KIFAP3: variants seen among roughly 807,000 people sequenced by gnomAD.
The protein encoded by KIFAP3 is kinesin associated protein 3.
A neutral mutation model predicts 106.5 loss-of-function variants in KIFAP3; 68 were observed. The observed-to-expected ratio is 0.64, with a 90% confidence interval of 0.53 to 0.78. The LOEUF (loss-of-function observed/expected upper bound fraction) is 0.78, where lower values mean the gene tolerates loss of function less well. Ranked by LOEUF, KIFAP3 falls within the 30% of genes least tolerant of loss-of-function variation. The pLI, the probability that KIFAP3 is intolerant of heterozygous loss-of-function variation, is 0.00. For missense variants in KIFAP3, 780 were observed against 941.8 expected, an observed-to-expected ratio of 0.83 and a Z score of 2.25; for synonymous variants, 320 against 311.5, an observed-to-expected ratio of 1.03 and a Z score of -0.29.
intron 1 of KIFAP3, among the ~76,000 whole-genome samples, chr1:170,064,739 T>A (rs1308523412): frequency 6.6e-6 from 1 of 152,260 alleles, no homozygotes; most frequent in African/African-American, 2.4e-5. Flanking sequence ...GTGTAGTGAA[T>A]GTCATCAAAT....
At chr1:170,074,217 G>T (rs1447138956) in intron 1 of KIFAP3, among the ~76,000 whole-genome samples, 1 of 152,080 alleles carries the variant, frequency 6.6e-6, no homozygotes, top group Non-Finnish European at 1.5e-5. Flanking sequence ...TTTCAATGCT[G>T]TCAGGGCTCC....
intron 17 of KIFAP3, among the ~76,000 whole-genome samples, chr1:169,961,862 TG>T (rs1228856451): frequency 6.6e-6 from 1 of 152,236 alleles, no homozygotes; most frequent in African/African-American, 2.4e-5. Context: ...GTTAATCAAC[TG>T]TTTATGCTAT....
At chr1:170,017,175 T>C (rs1481260287) in intron 9 of KIFAP3, among the ~76,000 whole-genome samples, 1 of 144,078 alleles carries the variant, frequency 6.9e-6, no homozygotes, top group African/African-American at 2.6e-5. Context: ...AAGAATGACC[T>C]GAACCCGGGA....
chr1:170,034,562 T>A, intron 6 of KIFAP3, 66 bp from the exon 7 acceptor site: 1 of 886,492 alleles, frequency 1.1e-6, no homozygotes, highest in Non-Finnish European at 1.7e-6. Context: ...AAATTTGTTT[T>A]TGGTGATCAC....
intron 1 of KIFAP3, among the ~76,000 whole-genome samples, chr1:170,057,474 C>G (rs1217127105): frequency 6.6e-6 from 1 of 151,210 alleles, no homozygotes; most frequent in Non-Finnish European, 1.5e-5. Context: ...CAGAAATGAG[C>G]AAAGAAAAAA....
chr1:170,033,217 G>A (rs960431765), intron 7 of KIFAP3, among the ~76,000 whole-genome samples: 4 of 151,856 alleles, frequency 2.6e-5, no homozygotes, highest in South Asian at 2.1e-4. Flanking sequence ...CAAAGCTTGT[G>A]TGTGGGTGTG....
intron 18 of KIFAP3, among the ~76,000 whole-genome samples, chr1:169,959,062 C>T (rs953320487): frequency 6.6e-6 from 1 of 152,250 alleles, no homozygotes; most frequent in South Asian, 2.1e-4. Context: ...AATTACGAGC[C>T]TCTCAGTTTA....
rs918278965 is a variant in KIFAP3 at position 170,008,521 on chromosome 1, G to A, written c.1183+7941C>T. ...GCAGCCAACAAACATATGAAAAAAA[G>A]CTCATCATCACTGGTCATTAGAGAA... On this transcript the variant is annotated intron_variant, in intron 10 of 19. Transcript: ENST00000361580. Among the ~76,000 whole-genome samples, 58 of 151,962 alleles carry A rather than the reference G, an allele frequency of 3.8e-4. 1 individual carries two copies. The highest frequency in any genetic ancestry group is 1.4e-3 in the African/African-American group (56 of 41,348).
At chr1:169,939,718 T>C (rs1664003673) in intron 19 of KIFAP3, among the ~76,000 whole-genome samples, 1 of 151,818 alleles carries the variant, frequency 6.6e-6, no homozygotes, top group East Asian at 1.9e-4. Flanking sequence ...TGGGAAGAAA[T>C]GACAAAGGGC....
chr1:169,989,290 T>C (rs1666985562), intron 11 of KIFAP3, among the ~76,000 whole-genome samples: 1 of 151,730 alleles, frequency 6.6e-6, no homozygotes, highest in Non-Finnish European at 1.5e-5. Context: ...AATTCAAAAT[T>C]CTATAAGTAA....
At chr1:170,068,378 A>G (rs1054040412) in intron 1 of KIFAP3, 4 of 152,118 alleles carry the variant, frequency 2.6e-5, no homozygotes, top group Non-Finnish European at 4.4e-5. Flanking sequence ...ATATATTATC[A>G]TAAGGATCCA....
At chr1:169,943,509 C>A (rs912550769) in intron 19 of KIFAP3, among the ~76,000 whole-genome samples, 1 of 151,972 alleles carries the variant, frequency 6.6e-6, no homozygotes, top group African/African-American at 2.4e-5. Flanking sequence ...CTATTTCTCT[C>A]CCTTATTTTT....
chr1:170,074,082 G>A (rs985056936), intron 1 of KIFAP3, among the ~76,000 whole-genome samples: 2 of 151,986 alleles, frequency 1.3e-5, no homozygotes, highest in African/African-American at 4.8e-5. Flanking sequence ...AGGCTCTCAT[G>A]GGATTTATCT....
intron 9 of KIFAP3, among the ~76,000 whole-genome samples, chr1:170,017,155 G>T (rs1166004228): frequency 6.6e-6 from 1 of 151,160 alleles, no homozygotes; most frequent in East Asian, 1.9e-4. Flanking sequence ...TACTTGGGAG[G>T]CTAAGGCAGA....
At chr1:169,983,457 G>T in intron 12 of KIFAP3, 75 bp from the exon 13 acceptor site, 1 of 945,818 alleles carries the variant, frequency 1.1e-6, no homozygotes, top group South Asian at 1.5e-5. Flanking sequence ...TCTCAAAAAA[G>T]CCACAACAAT....
intron 1 of KIFAP3, 26 bp downstream of exon 1, chr1:170,074,410 A>G (rs1671838782): frequency 6.2e-7 from 1 of 1,613,296 alleles, no homozygotes. Flanking sequence ...CAAGGAGGGT[A>G]GGACAGAGCC....
chr1:169,998,825 C>T (rs949448696), intron 10 of KIFAP3, among the ~76,000 whole-genome samples: 1 of 152,078 alleles, frequency 6.6e-6, no homozygotes, highest in East Asian at 1.9e-4. Flanking sequence ...GTATCTTATT[C>T]ACTGAATCAT....
intron 9 of KIFAP3, among the ~76,000 whole-genome samples, chr1:170,017,029 C>A (rs992705766): frequency 6.6e-6 from 1 of 152,110 alleles, no homozygotes; most frequent in Non-Finnish European, 1.5e-5. Flanking sequence ...GAGGCCGAGG[C>A]GGGCAGATCA....
intron 1 of KIFAP3, among the ~76,000 whole-genome samples, chr1:170,081,230 CAATTA>C (rs1672015514): frequency 1.3e-5 from 2 of 152,100 alleles, no homozygotes; most frequent in Admixed American, 1.3e-4. Context: ...TAAAAATGAG[CAATTA>C]ATTTACAAAA....
Sources: allele counts gnomAD v4.1 joint callset (sites outside exome capture counted in the v4.1 genomes callset), GRCh38; gene constraint gnomAD v4.1.1; transcripts MANE v1.5; gene names NCBI Gene and HGNC (gene_info 2026-07-23, HGNC 2026-07-21).